The following BTBD9 variants were observed in gnomAD, a reference collection of about 807,000 sequenced individuals.
BTBD9 encodes the protein BTB domain containing 9, also known as BTB/POZ domain-containing protein 9.
BTBD9 carries 49 observed loss-of-function variants against 64.3 expected under a neutral mutation model. That is an observed-to-expected ratio of 0.76 (90% confidence interval 0.61 to 0.97). The LOEUF (loss-of-function observed/expected upper bound fraction) is 0.97. Ranked by LOEUF, BTBD9 falls within the 50% of genes least tolerant of loss-of-function variation. BTBD9 has a pLI of 0.00. For synonymous variants in BTBD9, 260 were observed against 274.7 expected, an observed-to-expected ratio of 0.95 and a Z score of 0.53; for missense variants, 598 against 762.1, an observed-to-expected ratio of 0.78 and a Z score of 2.53.
At chr6:38,444,988 G>T (rs1005881354) in intron 6 of BTBD9, among the ~76,000 whole-genome samples, 1 of 152,140 alleles carries the variant, frequency 6.6e-6, no homozygotes, top group Non-Finnish European at 1.5e-5. Context: ...TCTTTGGCTG[G>T]CTGGGGCCAT....
intron 6 of BTBD9, among the ~76,000 whole-genome samples, chr6:38,460,918 C>A (rs192406101): frequency 6.6e-6 from 1 of 152,332 alleles, no homozygotes; most frequent in African/African-American, 2.4e-5. Flanking sequence ...CCACCACGCC[C>A]GGCCCCACAG....
chr6:38,255,930 G>C (rs1038997579), intron 9 of BTBD9, among the ~76,000 whole-genome samples: 5 of 152,164 alleles, frequency 3.3e-5, no homozygotes, highest in African/African-American at 9.6e-5. Context: ...GGGTTGGGGG[G>C]GTAGGAGAGG....
intron 6 of BTBD9, among the ~76,000 whole-genome samples, chr6:38,521,253 A>G (rs1773261888): frequency 6.6e-6 from 1 of 152,186 alleles, no homozygotes; most frequent in African/African-American, 2.4e-5. Context: ...TAATTTCTCC[A>G]TCTACAAAAT....
chr6:38,381,000 G>A (rs1765909409), intron 6 of BTBD9, among the ~76,000 whole-genome samples: 1 of 151,526 alleles, frequency 6.6e-6, no homozygotes, highest in South Asian at 2.1e-4. Context: ...TATAGTAAGA[G>A]GGGGTCAGAA....
At chr6:38,407,232 T>C (rs528227762) in intron 6 of BTBD9, among the ~76,000 whole-genome samples, 39 of 152,366 alleles carry the variant, frequency 2.6e-4, no homozygotes, top group African/African-American at 8.7e-4. Flanking sequence ...GTTGATCACA[T>C]ATAAAATAAA....
At chr6:38,572,204 C>A (rs62399161) in intron 6 of BTBD9, among the ~76,000 whole-genome samples, 4,579 of 152,154 alleles carry the variant, frequency 0.03, 107 homozygotes, top group Non-Finnish European at 0.047. Context: ...CTGTTTCTCC[C>A]AAATTCCAAA....
At position 38,310,106 on chromosome 6, in the gene BTBD9, AAAGT is replaced by A. The variant is rs1458176786; in HGVS notation, c.1265-21649_1265-21646del. 3.3e-5 allele frequency among the ~76,000 whole-genome samples: 5 copies of A among 152,318 alleles called. No individual in the cohort carries two copies. The East Asian group carries it at 9.6e-4, about 29-fold the overall frequency. On this transcript the variant is annotated intron_variant, in intron 7 of 10. Coordinates refer to ENST00000481247, the MANE Select transcript of BTBD9 (RefSeq NM_001099272.2). The stretch of plus-strand genomic sequence containing the variant: ...GGAAAGAATCTCCGCAGATCTCATG[AAAGT>A]AAGACTGGAATGTCGAAGAAACACA...
At chr6:38,459,378 C>T (rs1267090759) in intron 6 of BTBD9, among the ~76,000 whole-genome samples, 2 of 152,208 alleles carry the variant, frequency 1.3e-5, no homozygotes, top group Non-Finnish European at 2.9e-5. Context: ...TCCCACAATT[C>T]TCCAGCTAGT....
intron 6 of BTBD9, among the ~76,000 whole-genome samples, chr6:38,518,047 T>C (rs1773115576): frequency 6.6e-6 from 1 of 152,038 alleles, no homozygotes; most frequent in African/African-American, 2.4e-5. Context: ...TATTAAAAAG[T>C]AGAAAAATAT....
intron 6 of BTBD9, among the ~76,000 whole-genome samples, chr6:38,487,718 G>A (rs1459686568): frequency 6.6e-6 from 1 of 151,094 alleles, no homozygotes; most frequent in Non-Finnish European, 1.5e-5. Context: ...AAAGGTGGAG[G>A]GGAATCGAGT....
At position 38,312,654 on chromosome 6, in the gene BTBD9, T is replaced by C. The variant is rs191438685; in HGVS notation, c.1265-24193A>G. Among the ~76,000 whole-genome samples, 161 of 152,358 alleles carry C rather than the reference T, an allele frequency of 1.1e-3. 2 individuals carry two copies. The highest frequency in any genetic ancestry group is 3.4e-3 in the Middle Eastern group (1 of 294). Reference sequence around the variant, plus strand: ...TATCCAGTTTTCCCAGCATCACTTATTGAAGACTACCTTTTCTCCGGTATA... The same window carrying C: ...TATCCAGTTTTCCCAGCATCACTTACTGAAGACTACCTTTTCTCCGGTATA... On this transcript the variant is annotated intron_variant, in intron 7 of 10. Coordinates refer to ENST00000481247, the MANE Select transcript of BTBD9 (RefSeq NM_001099272.2).
chr6:38,325,577 C>T (rs1389960305), intron 7 of BTBD9, among the ~76,000 whole-genome samples: 1 of 152,082 alleles, frequency 6.6e-6, no homozygotes, highest in Non-Finnish European at 1.5e-5. Flanking sequence ...CTCAGCTACT[C>T]GGGAGGCTGA....
chr6:38,355,390 G>A (rs551562715), intron 6 of BTBD9, among the ~76,000 whole-genome samples: 1 of 152,168 alleles, frequency 6.6e-6, no homozygotes, highest in Non-Finnish European at 1.5e-5. Flanking sequence ...TAGCAAGCAG[G>A]TTGGGAGGGG....
At chr6:38,346,628 T>C (rs897657227) in intron 6 of BTBD9, among the ~76,000 whole-genome samples, 4 of 122,556 alleles carry the variant, frequency 3.3e-5, no homozygotes, top group South Asian at 2.7e-4. Flanking sequence ...TTTGGGTGGG[T>C]GGGTAGGTTC....
intron 6 of BTBD9, among the ~76,000 whole-genome samples, chr6:38,460,201 A>G (rs1770012477): frequency 6.6e-6 from 1 of 152,246 alleles, no homozygotes; most frequent in African/African-American, 2.4e-5. Context: ...AAGAAAATGT[A>G]AACATCACAT....
intron 6 of BTBD9, among the ~76,000 whole-genome samples, chr6:38,383,744 T>A (rs1481999637): frequency 6.6e-6 from 1 of 152,236 alleles, no homozygotes; most frequent in Non-Finnish European, 1.5e-5. Flanking sequence ...TAACGTTCCA[T>A]CTGTTACACT....
chr6:38,329,162 C>G (rs188527470), intron 7 of BTBD9, among the ~76,000 whole-genome samples: 56 of 151,802 alleles, frequency 3.7e-4, no homozygotes, highest in Admixed American at 3.3e-3. Flanking sequence ...TTTGTTATGC[C>G]ATATTATTAG....
chr6:38,434,489 C>T (rs1768616326), intron 6 of BTBD9, among the ~76,000 whole-genome samples: 1 of 151,954 alleles, frequency 6.6e-6, no homozygotes, highest in Non-Finnish European at 1.5e-5. Context: ...CTGGACCAAA[C>T]CATTGTATTT....
chr6:38,392,875 A>ATT (rs11403915), intron 6 of BTBD9, among the ~76,000 whole-genome samples: 7,694 of 137,264 alleles, frequency 0.056, 657 homozygotes, highest in African/African-American at 0.17. Context: ...TAAGACAATG[A>ATT]TTTTTTTTTT....
Sources: gnomAD v4.1 joint callset for allele counts (sites outside exome capture counted in the v4.1 genomes callset) on GRCh38, gnomAD v4.1.1 for gene constraint, MANE v1.5 for transcripts, NCBI Gene and HGNC (gene_info 2026-07-23, HGNC 2026-07-21) for gene names.